TOR1AIP1: variants seen among roughly 807,000 people sequenced by gnomAD.
TOR1AIP1 encodes torsin-1A-interacting protein 1.
A neutral mutation model predicts 63.3 loss-of-function variants in TOR1AIP1; 54 were observed. That is an observed-to-expected ratio of 0.85 (90% CI 0.69 to 1.07). The LOEUF (loss-of-function observed/expected upper bound fraction) is 1.07, where lower values mean the gene tolerates loss of function less well. TOR1AIP1 is among the 50% of genes least tolerant of loss of function. The pLI is 0.00. For synonymous variants in TOR1AIP1, 294 were observed against 273.5 expected (o/e 1.07, Z -0.74); for missense variants, 736 against 715.0 (o/e 1.03, Z -0.33).
chr1:179,903,392 G>A (rs746336197), intron 5 of TOR1AIP1, among the ~76,000 whole-genome samples: 26 of 152,132 alleles, frequency 1.7e-4, no homozygotes, highest in Admixed American at 3.9e-4. Context: ...AAAATTTTCC[G>A]CAACTCAAAG....
In TOR1AIP1 at chr1:179,918,556, C is replaced by T. The variant is rs2148484561; in HGVS notation, c.*317C>T. 4.7e-6 allele frequency: 1 copy of T among 212,256 alleles called. No individual in the cohort carries two copies. The highest frequency in any genetic ancestry group is 9.4e-6 in the Non-Finnish European group (1 of 106,684). The allele number at this position is 212,256 out of a possible 1,614,324, so 13.1% of individuals were successfully genotyped here. On this transcript the variant is annotated 3_prime_UTR_variant, in exon 10 of 10. Transcript: ENST00000606911. ...TATGACCAGTGAGAGGGATTTGTGT[C>T]CTTTCTTATGAACCTTCCTGATTTT... is the stretch of plus-strand genomic sequence containing the variant.
chr1:179,917,453 A>G lies in TOR1AIP1; in HGVS notation c.966A>G (p.Gln322=). 1 of 1,609,794 alleles carries G rather than the reference A, an allele frequency of 6.2e-7. No homozygotes were observed. Among genetic ancestry groups the G allele is most frequent in the Non-Finnish European group, 8.5e-7 (1 of 1,178,842 alleles). The change falls in exon 10 of 10, where the codon CAA becomes CAG. Residue 322 remains glutamine, a splice_region_variant and synonymous_variant. Transcript: ENST00000606911. ...GTCATTTCTTTTTTGTCTGAGTAGA[A>G]GTGACTGGACAACCCCAAAATGCAT... ...GNQSPSTSSR[Q]VTGQPQNASF...
At chr1:179,895,347 T>C (rs1412579718) in intron 3 of TOR1AIP1, among the ~76,000 whole-genome samples, 2 of 151,962 alleles carry the variant, frequency 1.3e-5, no homozygotes, top group South Asian at 2.1e-4. Flanking sequence ...GCATGGTGGC[T>C]CATGCTTGTA....
intron 3 of TOR1AIP1, among the ~76,000 whole-genome samples, chr1:179,899,364 C>G (rs1163589587): frequency 6.6e-6 from 1 of 151,732 alleles, no homozygotes; most frequent in Non-Finnish European, 1.5e-5. Context: ...CTCTTTTGCA[C>G]TGGAAAACAG....
chr1:179,895,943 C>A (rs1648251652), intron 3 of TOR1AIP1, among the ~76,000 whole-genome samples: 1 of 151,158 alleles, frequency 6.6e-6, no homozygotes, highest in Non-Finnish European at 1.5e-5. Flanking sequence ...AAACAAAAAA[C>A]AAAATCTAAT....
chr1:179,901,278 A>C, intron 4 of TOR1AIP1, 24 bp from the exon 5 acceptor site: 1 of 1,495,018 alleles, frequency 6.7e-7, no homozygotes, highest in Non-Finnish European at 9.3e-7. Flanking sequence ...AGACTATATT[A>C]GTATATTGTT....
At chr1:179,896,237 C>T (rs1045971664) in intron 3 of TOR1AIP1, among the ~76,000 whole-genome samples, 33 of 152,082 alleles carry the variant, frequency 2.2e-4, no homozygotes, top group African/African-American at 7.7e-4. Context: ...CATCTTTATT[C>T]TATAATCATA....
chr1:179,882,506 G>GCGGGCGA lies in TOR1AIP1; in HGVS notation c.11_17dup (p.Glu9AlafsTer103), dbSNP rs1647734130. On this transcript the variant is annotated frameshift_variant, in exon 1 of 10. Transcript: ENST00000606911. LOFTEE classifies it high-confidence loss of function. ...GACTAAAGCTACGTCAACAACTATG[G>GCGGGCGA]CGGGCGACGGGCGGCGGGCAGAGGC... The GCGGGCGA allele has an allele frequency of 4.8e-6, 7 of 1,455,812 alleles. No homozygotes were observed. Among genetic ancestry groups the GCGGGCGA allele is most frequent in the South Asian group, 1.5e-5 (1 of 67,662 alleles). 90.2% of individuals were successfully genotyped at this position (1,455,812 alleles called of 1,614,324 possible). A position where few individuals can be genotyped will look rare whatever the true frequency, so the allele number is the denominator to read the frequency against.
chr1:179,908,245 CAA>C (rs760851607), intron 7 of TOR1AIP1, among the ~76,000 whole-genome samples: 8 of 152,056 alleles, frequency 5.3e-5, no homozygotes, highest in Admixed American at 1.3e-4. Context: ...ATTCTCCCAA[CAA>C]AAGTTGTAAT....
intron 3 of TOR1AIP1, among the ~76,000 whole-genome samples, chr1:179,893,562 T>C (rs1571725993): frequency 6.6e-6 from 1 of 152,120 alleles, no homozygotes; most frequent in African/African-American, 2.4e-5. Flanking sequence ...TGCCTCAGCC[T>C]CCCAAGTAGC....
chr1:179,909,381 GTTTTT>G (rs1558045740), intron 8 of TOR1AIP1, among the ~76,000 whole-genome samples: 1 of 106,042 alleles, frequency 9.4e-6, no homozygotes, highest in Admixed American at 1.1e-4. Flanking sequence ...TTTTTTTTCT[GTTTTT>G]TGTTTTGTTT....
intron 6 of TOR1AIP1, among the ~76,000 whole-genome samples, chr1:179,907,599 A>ATATATATATATG (rs1446669518): frequency 9.1e-5 from 2 of 21,910 alleles, no homozygotes; most frequent in Middle Eastern, 0.036. Flanking sequence ...CACTTTATAT[A>ATATATATATATG]TATATATATA....
chr1:179,908,071 G>A (rs1648711023), intron 7 of TOR1AIP1, among the ~76,000 whole-genome samples: 1 of 151,846 alleles, frequency 6.6e-6, no homozygotes, highest in South Asian at 2.1e-4. Flanking sequence ...ACCACGCCCG[G>A]CTAATTTTTT....
chr1:179,883,504 G>T (rs978472864), intron 1 of TOR1AIP1: 14 of 402,678 alleles, frequency 3.5e-5, no homozygotes, highest in African/African-American at 2.9e-4. Context: ...TGAGTTTAGT[G>T]AATTGATTTG....
chr1:179,905,896 T>C (rs996471332), intron 6 of TOR1AIP1, among the ~76,000 whole-genome samples: 11 of 152,098 alleles, frequency 7.2e-5, no homozygotes, highest in South Asian at 2.1e-4. Flanking sequence ...ACGGCGGCAG[T>C]GAACTGGGAT....
chr1:179,897,684 C>T (rs1350050096), intron 3 of TOR1AIP1, among the ~76,000 whole-genome samples: 5 of 152,116 alleles, frequency 3.3e-5, no homozygotes, highest in Admixed American at 2.6e-4. Context: ...TAAAACATAA[C>T]ACTGAAATAT....
Position 179,918,244 on chromosome 1 carries a change from TGAGA to T in TOR1AIP1, c.*10_*13del. On this transcript the variant is annotated 3_prime_UTR_variant, in exon 10 of 10. Coordinates refer to ENST00000606911, the MANE Select transcript of TOR1AIP1 (RefSeq NM_015602.4). ...AAAAGGGGCATCTGCTTATAAGAAG[TGAGA>T]GAGAAGAAAAATCATGTCCCAAGTT... 1 of 1,568,022 alleles carries T rather than the reference TGAGA, an allele frequency of 6.4e-7. No individual in the cohort carries two copies. The highest frequency in any genetic ancestry group is 8.6e-7 in the Non-Finnish European group (1 of 1,167,080).
Position 179,903,972 on chromosome 1 carries a change from C to T in TOR1AIP1, c.746C>T (p.Thr249Ile). The T allele has an allele frequency of 6.3e-7, 1 of 1,598,598 alleles. No homozygotes were observed. Residue 249 changes from threonine (T) to isoleucine (I), a missense_variant, in exon 6 of 10, where the codon ACC (threonine) becomes ATC (isoleucine). By Grantham distance (89) the Thr-to-Ile change is moderately conservative (BLOSUM62 -1). Around this residue, in one of 2 missense-constraint regions of TOR1AIP1, gnomAD observed 464 missense variants for 371.0 expected, o/e 1.25. Coordinates refer to ENST00000606911, the MANE Select transcript of TOR1AIP1 (RefSeq NM_015602.4). ...ACTGTTTTTTATTTTTTAGATAAAA[C>T]CACCAGATCATCTAGTCAATATATA... Reference protein sequence around the residue: ...SRDSDESGDKTTRSSSQYIES... With the variant: ...SRDSDESGDKITRSSSQYIES...
At chr1:179,916,328 C>T (rs909686474) in intron 9 of TOR1AIP1, among the ~76,000 whole-genome samples, 1 of 152,178 alleles carries the variant, frequency 6.6e-6, no homozygotes, top group Non-Finnish European at 1.5e-5. Context: ...GCTTTAACTT[C>T]ATGGACCCCC....
Sources: allele counts gnomAD v4.1 joint callset (sites outside exome capture counted in the v4.1 genomes callset), GRCh38; gene constraint gnomAD v4.1.1; regional missense constraint gnomAD v4.1.1; transcripts MANE v1.5; gene names NCBI Gene and HGNC (gene_info 2026-07-23, HGNC 2026-07-21).